CSMD1: variants seen among roughly 807,000 people sequenced by gnomAD.
CSMD1 encodes CUB and Sushi multiple domains 1, also known as CUB and sushi domain-containing protein 1.
In CSMD1, 213 loss-of-function variants were observed where a neutral mutation model predicts 417.5. The observed-to-expected ratio is 0.51, with a 90% CI of 0.46 to 0.57. The LOEUF (loss-of-function observed/expected upper bound fraction) is 0.57. Ranked by LOEUF, CSMD1 falls within the 20% of genes least tolerant of loss-of-function variation. CSMD1 has a pLI of 0.00. For missense variants in CSMD1, 6,923 were observed against 4,529.7 expected, an observed-to-expected ratio of 1.53 and a Z score of -15.17; for synonymous variants, 2,862 against 1,736.8, an observed-to-expected ratio of 1.65 and a Z score of -16.11.
At chr8:4,046,304 C>T (rs992978836) in intron 3 of CSMD1, among the ~76,000 whole-genome samples, 60 of 152,192 alleles carry the variant, frequency 3.9e-4, no homozygotes, top group African/African-American at 1.3e-3. Context: ...TCAGTTATTT[C>T]TCTTCTTTGT....
At chr8:4,003,417 AAC>A (rs1815857519) in intron 4 of CSMD1, among the ~76,000 whole-genome samples, 3 of 135,258 alleles carry the variant, frequency 2.2e-5, no homozygotes, top group African/African-American at 8.0e-5. Context: ...CAAAAAAACA[AAC>A]AAATAAATAA....
intron 56 of CSMD1, among the ~76,000 whole-genome samples, chr8:2,973,547 C>T (rs185444186): frequency 7.4e-4 from 112 of 151,754 alleles, no homozygotes; most frequent in South Asian, 1.5e-3. Flanking sequence ...TGAGAATAAA[C>T]GACGTTTCCT....
intron 28 of CSMD1, 69 bp from the exon 29 acceptor site, chr8:3,219,511 T>C: frequency 8.7e-7 from 1 of 1,143,086 alleles, no homozygotes; most frequent in Non-Finnish European, 1.2e-6. Flanking sequence ...GGTAAGCCTT[T>C]GAGCTCAGAA....
At chr8:3,383,945 A>G (rs951317740) in intron 18 of CSMD1, among the ~76,000 whole-genome samples, 17 of 152,158 alleles carry the variant, frequency 1.1e-4, no homozygotes, top group Non-Finnish European at 2.1e-4. Context: ...CCACAGACTT[A>G]AGGTTGCAGG....
intron 5 of CSMD1, among the ~76,000 whole-genome samples, chr8:3,923,621 C>T (rs1809436241): frequency 6.6e-6 from 1 of 152,066 alleles, no homozygotes; most frequent in Non-Finnish European, 1.5e-5. Context: ...TTTTGTGGTT[C>T]AGTAATTTTA....
chr8:4,929,341 TCA>T (rs1323773567), intron 1 of CSMD1, among the ~76,000 whole-genome samples: 2 of 152,098 alleles, frequency 1.3e-5, no homozygotes, highest in Non-Finnish European at 2.9e-5. Context: ...ACCTACCCTA[TCA>T]CAGTTTGTTA....
chr8:4,810,393 A>G (rs1234607235), intron 1 of CSMD1, among the ~76,000 whole-genome samples: 1 of 152,192 alleles, frequency 6.6e-6, no homozygotes, highest in African/African-American at 2.4e-5. Flanking sequence ...AGCCATTCAT[A>G]ACGTGATTGT....
chr8:4,578,332 A>ATTTTTTTTTTTTTTT lies in CSMD1; in HGVS notation c.302+58995_302+59009dup, dbSNP rs1172600205. Among the ~76,000 whole-genome samples, 92 of 48,760 alleles carry ATTTTTTTTTTTTTTT rather than the reference A, an allele frequency of 1.9e-3. 9 individuals are homozygous for ATTTTTTTTTTTTTTT. Among genetic ancestry groups the ATTTTTTTTTTTTTTT allele is most frequent in the African/African-American group, 4.7e-3 (62 of 13,092 alleles). The allele number at this position is 48,760 out of a possible 152,430, so 32.0% of individuals were successfully genotyped here. A position where few individuals can be genotyped will look rare whatever the true frequency, so the allele number is the denominator to read the frequency against. ...AGGCACCTGCCACGACACCCGGCTCATTTTTTTTTTTTTTTTTTTTTTTTT... is the reference window on the plus strand; with the variant it reads ...AGGCACCTGCCACGACACCCGGCTCATTTTTTTTTTTTTTTTTTTTTTTTTTTTTTTTTTTTTTTT... On this transcript the variant is annotated intron_variant, in intron 2 of 69. Coordinates refer to ENST00000635120, the MANE Select transcript of CSMD1 (RefSeq NM_033225.6).
chr8:3,992,349 A>C (rs1181999173), intron 5 of CSMD1, among the ~76,000 whole-genome samples: 3 of 152,138 alleles, frequency 2.0e-5, no homozygotes, highest in South Asian at 2.1e-4. Flanking sequence ...TTGTAATCTT[A>C]TTTTGTTCCC....
chr8:3,337,252 T>A (rs1371741704), intron 23 of CSMD1, among the ~76,000 whole-genome samples: 1 of 152,228 alleles, frequency 6.6e-6, no homozygotes, highest in South Asian at 2.1e-4. Flanking sequence ...CAGAAAATAT[T>A]TTGATAAACA....
intron 3 of CSMD1, among the ~76,000 whole-genome samples, chr8:4,132,105 A>G (rs1285858312): frequency 6.6e-6 from 1 of 151,922 alleles, no homozygotes; most frequent in Non-Finnish European, 1.5e-5. Context: ...TCACATATGG[A>G]TCCCCAAAGT....
At chr8:4,758,510 G>C (rs928858101) in intron 1 of CSMD1, among the ~76,000 whole-genome samples, 4 of 152,152 alleles carry the variant, frequency 2.6e-5, no homozygotes, top group African/African-American at 9.7e-5. Context: ...CTGGTCAGTA[G>C]GGCCTTCTAG....
In CSMD1 at chr8:3,212,691, C is replaced by G. The variant is rs1041101775; in HGVS notation, c.4867+1806G>C. Among the ~76,000 whole-genome samples the G allele has an allele frequency of 5.3e-5, 8 of 152,118 alleles. No homozygotes were observed. In the East Asian group the frequency reaches 1.6e-3, roughly 30 times the overall value. ...CTGTGCCAGTCTCTACTGCTGGGTC[C>G]AGACAGCTACACTTCTTTAACTTAA... On this transcript the variant is annotated intron_variant, in intron 30 of 69. Transcript: ENST00000635120.
intron 3 of CSMD1, among the ~76,000 whole-genome samples, chr8:4,032,741 C>G (rs1446551794): frequency 6.6e-6 from 1 of 152,128 alleles, no homozygotes; most frequent in Non-Finnish European, 1.5e-5. Context: ...AGTTTCAGTG[C>G]TAAGTTTTGA....
chr8:4,472,635 A>C (rs1800599841), intron 2 of CSMD1, among the ~76,000 whole-genome samples: 1 of 152,110 alleles, frequency 6.6e-6, no homozygotes, highest in South Asian at 2.1e-4. Context: ...AATAAGAAAA[A>C]TAATTTTAAA....
chr8:3,908,876 T>C lies in CSMD1; in HGVS notation c.818+89027A>G, dbSNP rs75863930. Among the ~76,000 whole-genome samples the C allele has an allele frequency of 9.8e-3, 1,486 of 152,314 alleles. 26 individuals are homozygous for C. The highest frequency in any genetic ancestry group is 0.033 in the African/African-American group (1,379 of 41,570). ...CAAATGTTACTGTGAGGTAATATAA[T>C]AACACACCTTCCCTAAGAGGAAGAT... On this transcript the variant is annotated intron_variant, in intron 5 of 69. Coordinates refer to ENST00000635120, the MANE Select transcript of CSMD1 (RefSeq NM_033225.6).
At chr8:4,792,173 C>A (rs542343278) in intron 1 of CSMD1, among the ~76,000 whole-genome samples, 3 of 152,114 alleles carry the variant, frequency 2.0e-5, no homozygotes, top group Admixed American at 6.5e-5. Flanking sequence ...CTTTCTTTCC[C>A]ATAGGTATTT....
intron 7 of CSMD1, among the ~76,000 whole-genome samples, chr8:3,620,861 A>G (rs1802389893): frequency 6.6e-6 from 1 of 152,192 alleles, no homozygotes; most frequent in Non-Finnish European, 1.5e-5. Context: ...GCCCTGTTTT[A>G]GGCTGAATTA....
intron 1 of CSMD1, among the ~76,000 whole-genome samples, chr8:4,912,855 G>A (rs1281095982): frequency 6.6e-6 from 1 of 151,886 alleles, no homozygotes; most frequent in Non-Finnish European, 1.5e-5. Flanking sequence ...GTGCAACCTT[G>A]GCTTACTACA....
Sources: allele counts gnomAD v4.1 joint callset (sites outside exome capture counted in the v4.1 genomes callset), GRCh38; gene constraint gnomAD v4.1.1; transcripts MANE v1.5; gene names NCBI Gene and HGNC (gene_info 2026-07-23, HGNC 2026-07-21).